The following NCALD variants were observed in gnomAD, a reference collection of about 807,000 sequenced individuals.
The protein encoded by NCALD is neurocalcin-delta.
In NCALD, 10 loss-of-function variants were observed where a neutral mutation model predicts 18.6. That is an observed-to-expected ratio of 0.54 (90% CI 0.33 to 0.91). The LOEUF (loss-of-function observed/expected upper bound fraction) is 0.91, where lower values mean the gene tolerates loss of function less well. NCALD is among the 40% of genes least tolerant of loss of function. The pLI is 0.03. For missense variants in NCALD, 184 were observed against 247.6 expected (o/e 0.74, Z 1.72); for synonymous variants, 88 against 87.4 (o/e 1.01, Z -0.04).
chr8:101,942,604 A>G (rs1029823419), intron 2 of NCALD, among the ~76,000 whole-genome samples: 1 of 152,230 alleles, frequency 6.6e-6, no homozygotes, highest in Non-Finnish European at 1.5e-5. Flanking sequence ...GGGCAAGCAT[A>G]ATCCCAGATG....
chr8:101,874,702 T>A (rs1042973158), intron 4 of NCALD, among the ~76,000 whole-genome samples: 79 of 152,052 alleles, frequency 5.2e-4, no homozygotes, highest in African/African-American at 1.8e-3. Context: ...TTTTAAAAAA[T>A]TTTTTTGTAG....
At chr8:101,764,822 T>C (rs1228651045) in intron 1 of NCALD, among the ~76,000 whole-genome samples, 2 of 152,182 alleles carry the variant, frequency 1.3e-5, no homozygotes, top group African/African-American at 4.8e-5. Flanking sequence ...GGGAAACAGA[T>C]GCTGAAAGAA....
chr8:101,891,290 A>G (rs1301264761), intron 3 of NCALD, among the ~76,000 whole-genome samples: 1 of 152,192 alleles, frequency 6.6e-6, no homozygotes, highest in African/African-American at 2.4e-5. Flanking sequence ...CCCATTCCTC[A>G]TCCTTGACAA....
intron 2 of NCALD, among the ~76,000 whole-genome samples, chr8:101,704,624 A>G (rs1285645341): frequency 6.6e-6 from 1 of 152,178 alleles, no homozygotes; most frequent in Non-Finnish European, 1.5e-5. Context: ...ACATCATTTA[A>G]AGTGAATGGG....
intron 4 of NCALD, among the ~76,000 whole-genome samples, chr8:101,848,472 G>A (rs532417423): frequency 6.6e-6 from 1 of 152,118 alleles, no homozygotes; most frequent in Non-Finnish European, 1.5e-5. Flanking sequence ...CCCCTCAGAA[G>A]ATCCATATCC....
intron 4 of NCALD, among the ~76,000 whole-genome samples, chr8:101,820,152 C>T (rs1298802935): frequency 6.6e-6 from 1 of 152,164 alleles, no homozygotes; most frequent in East Asian, 1.9e-4. Flanking sequence ...GAAGACAATT[C>T]GCCCATCTCC....
chr8:102,122,962 C>A (rs1361189156), intron 1 of NCALD, among the ~76,000 whole-genome samples: 1 of 152,222 alleles, frequency 6.6e-6, no homozygotes, highest in East Asian at 1.9e-4. Flanking sequence ...AGCCTCCTCC[C>A]CAGATCTGTC....
chr8:101,782,514 A>G (rs541996556), intron 1 of NCALD, among the ~76,000 whole-genome samples: 2 of 152,240 alleles, frequency 1.3e-5, no homozygotes, highest in East Asian at 3.9e-4. Context: ...CCTAGTGTCT[A>G]TCAGATCAAA....
intron 3 of NCALD, chr8:101,690,850 T>G: frequency 1.0e-6 from 1 of 985,366 alleles, no homozygotes; most frequent in Non-Finnish European, 1.2e-6. Flanking sequence ...AGGCGTGATC[T>G]CTGAACACTT....
intron 2 of NCALD, among the ~76,000 whole-genome samples, chr8:101,983,260 T>C (rs1046200770): frequency 6.6e-6 from 1 of 152,162 alleles, no homozygotes. Flanking sequence ...CACCCCTGGC[T>C]CATCTCAGGG....
chr8:102,054,283 C>T (rs552239401), intron 1 of NCALD, among the ~76,000 whole-genome samples: 7 of 152,214 alleles, frequency 4.6e-5, no homozygotes, highest in South Asian at 2.1e-4. Flanking sequence ...TTTGGTCGAA[C>T]GCCAGTCTAG....
chr8:101,806,509 T>C (rs1028398726), intron 4 of NCALD, among the ~76,000 whole-genome samples: 2 of 152,022 alleles, frequency 1.3e-5, no homozygotes, highest in African/African-American at 4.8e-5. Context: ...AATAAAGAGA[T>C]AGAAATTATA....
chr8:101,896,629 T>A (rs1046850036), intron 3 of NCALD, among the ~76,000 whole-genome samples: 4 of 151,974 alleles, frequency 2.6e-5, no homozygotes, highest in Admixed American at 6.6e-5. Flanking sequence ...GACAAAGGGC[T>A]AATATCCAGA....
intron 1 of NCALD, among the ~76,000 whole-genome samples, chr8:101,727,576 G>A (rs904509754): frequency 6.6e-6 from 1 of 152,156 alleles, no homozygotes; most frequent in Non-Finnish European, 1.5e-5. Context: ...TCAATTTCTG[G>A]ATCAAGGAAT....
chr8:101,863,667 A>G (rs112794291), intron 4 of NCALD, among the ~76,000 whole-genome samples: 8 of 152,214 alleles, frequency 5.3e-5, no homozygotes, highest in South Asian at 2.1e-4. Context: ...TTAATATCAT[A>G]TCAGGTAACC....
chr8:101,702,991 C>A (rs1214414253), intron 2 of NCALD, among the ~76,000 whole-genome samples: 3 of 152,204 alleles, frequency 2.0e-5, no homozygotes, highest in Admixed American at 6.5e-5. Context: ...GTGTTGAAAT[C>A]TATTTAACCC....
chr8:101,729,723 T>A (rs1816732304), intron 1 of NCALD, among the ~76,000 whole-genome samples: 2 of 152,170 alleles, frequency 1.3e-5, no homozygotes, highest in African/African-American at 4.8e-5. Flanking sequence ...CATCTTGTCT[T>A]CTCCAGGTGA....
intron 2 of NCALD, among the ~76,000 whole-genome samples, chr8:101,704,874 G>A (rs1010628610): frequency 2.0e-5 from 3 of 147,178 alleles, no homozygotes; most frequent in East Asian, 2.1e-4. Context: ...AGCTGAGATC[G>A]CGCCATTGCT....
chr8:101,758,115 C>A (rs115826615), intron 1 of NCALD, among the ~76,000 whole-genome samples: 1 of 152,258 alleles, frequency 6.6e-6, no homozygotes, highest in African/African-American at 2.4e-5. Flanking sequence ...TCTCTTTATG[C>A]CACTTTCCTG....
Sources: allele counts gnomAD v4.1 joint callset (sites outside exome capture counted in the v4.1 genomes callset), GRCh38; gene constraint gnomAD v4.1.1; transcripts MANE v1.5; gene names NCBI Gene and HGNC (gene_info 2026-07-23, HGNC 2026-07-21).